KCND3: variants seen among roughly 807,000 people sequenced by gnomAD.
The protein encoded by KCND3 is potassium voltage-gated channel subfamily D member 3.
Under a neutral mutation model 51.1 loss-of-function variants are expected in KCND3, and 9 were observed. The ratio of observed to expected loss-of-function variants is 0.18; its 90% CI spans 0.11 to 0.31. The LOEUF (loss-of-function observed/expected upper bound fraction) is 0.31, where lower values mean the gene tolerates loss of function less well. Among genes scored for constraint, KCND3 ranks in the 10% least tolerant of loss-of-function variants. The probability of loss-of-function intolerance (pLI) is 1.00; values close to 1 mark genes in which losing one functional copy is unlikely to be tolerated. For missense variants in KCND3, 526 were observed against 903.8 expected (o/e 0.58, Z 5.36); for synonymous variants, 349 against 368.0 (o/e 0.95, Z 0.59).
At chr1:111,815,108 T>C (rs7556364) in intron 2 of KCND3, among the ~76,000 whole-genome samples, 86,254 of 151,960 alleles carry the variant, frequency 0.57, 26,387 homozygotes, top group Non-Finnish European at 0.66. Context: ...GGAAACAAGG[T>C]GGTCTGTCTG....
At position 111,775,267 on chromosome 1, in the gene KCND3, G is replaced by A. The variant is rs1050460943; in HGVS notation, c.*810C>T. 5 of 152,526 alleles carry A rather than the reference G, an allele frequency of 3.3e-5. No homozygotes were observed. The highest frequency in any genetic ancestry group is 1.2e-4 in the African/African-American group (5 of 41,436). 9.4% of individuals were successfully genotyped at this position (152,526 alleles called of 1,614,324 possible). ...ATTGGGATCCAGGTAGAGACAGATG[G>A]CTGGACACAGAAACAGCTAGGGGTA... is the stretch of plus-strand genomic sequence containing the variant. On this transcript the variant is annotated 3_prime_UTR_variant, in exon 8 of 8. Coordinates refer to ENST00000302127, the MANE Select transcript of KCND3 (RefSeq NM_001378969.1).
chr1:111,958,523 G>T lies in KCND3; in HGVS notation c.1106+23098C>A, dbSNP rs146320134. Reference sequence around the variant, plus strand: ...GCTAGGGAACTAGGGAGCAGGAAGCGGCTAGAAACAGGAAAATTAAGTAGA... The same window carrying T: ...GCTAGGGAACTAGGGAGCAGGAAGCTGCTAGAAACAGGAAAATTAAGTAGA... On this transcript the variant is annotated intron_variant, in intron 2 of 7. Transcript: ENST00000302127. 9.9e-5 allele frequency among the ~76,000 whole-genome samples: 15 copies of T among 152,218 alleles called. No homozygotes were observed. In the South Asian group the frequency reaches 1.0e-3, roughly 10 times the overall value.
At position 111,840,307 on chromosome 1, in the gene KCND3, G is replaced by A. The variant is rs530366666; in HGVS notation, c.1107-53201C>T. On this transcript the variant is annotated intron_variant, in intron 2 of 7. Coordinates refer to ENST00000302127, the MANE Select transcript of KCND3 (RefSeq NM_001378969.1). Reference sequence around the variant, plus strand: ...CCAGACACAGTTCTTGCAGAGTACTGTGCCCCCTGGTGCTGCTCCTCTGGT... The same window carrying A: ...CCAGACACAGTTCTTGCAGAGTACTATGCCCCCTGGTGCTGCTCCTCTGGT... 4.6e-5 allele frequency among the ~76,000 whole-genome samples: 7 copies of A among 152,214 alleles called. No individual in the cohort carries two copies. In the South Asian group the frequency reaches 1.5e-3, roughly 32 times the overall value.
chr1:111,935,499 T>C (rs1342695911), intron 2 of KCND3, among the ~76,000 whole-genome samples: 1 of 152,230 alleles, frequency 6.6e-6, no homozygotes, highest in African/African-American at 2.4e-5. Flanking sequence ...GAAAAACATG[T>C]CCTTTTTCCC....
At chr1:111,879,184 T>G (rs1557994929) in intron 2 of KCND3, among the ~76,000 whole-genome samples, 1 of 152,194 alleles carries the variant, frequency 6.6e-6, no homozygotes, top group Non-Finnish European at 1.5e-5. Flanking sequence ...GCCTCCATCA[T>G]CATGCGAGCC....
intron 2 of KCND3, among the ~76,000 whole-genome samples, chr1:111,826,642 G>A (rs1488387511): frequency 1.3e-5 from 2 of 152,144 alleles, no homozygotes; most frequent in African/African-American, 2.4e-5. Flanking sequence ...CTATGTCAAC[G>A]AGTTCATGGT....
At chr1:111,864,165 C>T (rs547349896) in intron 2 of KCND3, among the ~76,000 whole-genome samples, 4 of 152,072 alleles carry the variant, frequency 2.6e-5, no homozygotes, top group African/African-American at 9.7e-5. Flanking sequence ...GTGTGGAAGG[C>T]AGGATGGGGA....
intron 2 of KCND3, among the ~76,000 whole-genome samples, chr1:111,812,917 C>T (rs991265425): frequency 7.2e-5 from 11 of 152,170 alleles, no homozygotes; most frequent in Admixed American, 3.3e-4. Context: ...TCCCAGCATC[C>T]TGTGCCCCTC....
At chr1:111,985,571 T>G (rs1675229627) in intron 1 of KCND3, among the ~76,000 whole-genome samples, 1 of 152,154 alleles carries the variant, frequency 6.6e-6, no homozygotes, top group Non-Finnish European at 1.5e-5. Flanking sequence ...TATGTGCCAT[T>G]TTTTTTCCCA....
At chr1:111,940,091 T>C (rs944664670) in intron 2 of KCND3, among the ~76,000 whole-genome samples, 6 of 144,954 alleles carry the variant, frequency 4.1e-5, no homozygotes, top group African/African-American at 1.5e-4. Context: ...TTTTTTTTTT[T>C]TTTTTGTAAG....
intron 2 of KCND3, among the ~76,000 whole-genome samples, chr1:111,874,179 T>C (rs964071075): frequency 6.6e-6 from 1 of 152,146 alleles, no homozygotes; most frequent in Admixed American, 6.5e-5. Flanking sequence ...AAATATACAA[T>C]ATCTATGTAT....
Position 111,780,175 on chromosome 1 carries a change from A to AAGGGTC in KCND3, c.1461+44_1461+49dup, listed in dbSNP as rs1321997245. ...TGAAGATGTGAGTACAGCCTTAGAA[A>AAGGGTC]AGGGTCAGGGTCAGCGATGAAAAGG... On this transcript the variant is annotated intron_variant, in intron 5 of 7. Coordinates refer to ENST00000302127, the MANE Select transcript of KCND3 (RefSeq NM_001378969.1). This position sits in a 1 kb window ranked among gnomAD's most constrained non-coding sequence, Gnocchi z 4.2. The AAGGGTC allele has an allele frequency of 2.0e-6, 3 of 1,505,298 alleles. No individual in the cohort carries two copies. Among genetic ancestry groups the AAGGGTC allele is most frequent in the Non-Finnish European group, 2.7e-6 (3 of 1,104,922 alleles). The allele number at this position is 1,505,298 out of a possible 1,614,324, so 93.2% of individuals were successfully genotyped here.
chr1:111,827,367 C>A (rs1002846325), intron 2 of KCND3, among the ~76,000 whole-genome samples: 7 of 152,216 alleles, frequency 4.6e-5, no homozygotes, highest in Non-Finnish European at 1.0e-4. Flanking sequence ...CCTGTGACCC[C>A]CAGCACTTGG....
At chr1:111,838,274 G>A (rs1389778445) in intron 2 of KCND3, among the ~76,000 whole-genome samples, 1 of 152,206 alleles carries the variant, frequency 6.6e-6, no homozygotes, top group African/African-American at 2.4e-5. Context: ...CCAGGTGGTG[G>A]AGGTCATCTT....
intron 2 of KCND3, among the ~76,000 whole-genome samples, chr1:111,932,108 C>A (rs1672003452): frequency 6.6e-6 from 1 of 152,236 alleles, no homozygotes; most frequent in Non-Finnish European, 1.5e-5. Flanking sequence ...CTGACCTCTC[C>A]TCTTGCCTGC....
At chr1:111,901,177 A>G (rs1670365677) in intron 2 of KCND3, among the ~76,000 whole-genome samples, 1 of 152,200 alleles carries the variant, frequency 6.6e-6, no homozygotes, top group Non-Finnish European at 1.5e-5. Flanking sequence ...AAAGCAGGTA[A>G]TTAAGGATAA....
At position 111,982,369 on chromosome 1, in the gene KCND3, A is replaced by C; in HGVS notation, c.358T>G (p.Phe120Val). ...ATGATCTCCGGGAGGATGCCGTAGA[A>C]GGCCAGCTCGTCGTCGTAGGCAGAG... ...CISAYDDELAFYGILPEIIGD... is the reference protein window; with the variant it reads ...CISAYDDELAVYGILPEIIGD... Residue 120 changes from phenylalanine to valine, a missense_variant, in exon 2 of 8, where the codon TTC becomes GTC. Transcript: ENST00000302127. The surrounding 1 kb of genome is among the most constrained non-coding windows in gnomAD (Gnocchi z 8.5). 6.2e-7 allele frequency: 1 copy of C among 1,614,146 alleles called. No individual in the cohort carries two copies. The highest frequency in any genetic ancestry group is 8.5e-7 in the Non-Finnish European group (1 of 1,180,038).
At chr1:111,804,694 G>A (rs1665480801) in intron 2 of KCND3, among the ~76,000 whole-genome samples, 1 of 152,244 alleles carries the variant, frequency 6.6e-6, no homozygotes, top group African/African-American at 2.4e-5. Flanking sequence ...CCAGTATTTT[G>A]TGACTGTTAG....
intron 3 of KCND3, among the ~76,000 whole-genome samples, chr1:111,784,953 G>A (rs1352026267): frequency 1.3e-5 from 2 of 152,086 alleles, no homozygotes; most frequent in African/African-American, 4.8e-5. Context: ...CTGGGAGCAC[G>A]CCTGTAATCC....
Sources: allele counts gnomAD v4.1 joint callset (sites outside exome capture counted in the v4.1 genomes callset), GRCh38; gene constraint gnomAD v4.1.1; non-coding constraint Gnocchi (gnomAD v3.1); transcripts MANE v1.5; gene names NCBI Gene and HGNC (gene_info 2026-07-23, HGNC 2026-07-21).